The following C8orf58 variants were observed in gnomAD, a reference collection of about 807,000 sequenced individuals.
C8orf58 encodes the protein uncharacterized protein C8orf58.
In C8orf58, 31 loss-of-function variants were observed where a neutral mutation model predicts 36.8. The ratio of observed to expected loss-of-function variants is 0.84; its 90% CI spans 0.63 to 1.14. The LOEUF (loss-of-function observed/expected upper bound fraction) is 1.14, where lower values mean the gene tolerates loss of function less well. C8orf58 is among the 50% of genes most tolerant of loss of function. The pLI is 0.00. For missense variants in C8orf58, 538 were observed against 480.8 expected (o/e 1.12, Z -1.11); for synonymous variants, 230 against 200.2 (o/e 1.15, Z -1.26).
chr8:22,601,881 A>C, intron 3 of C8orf58, 29 bp downstream of exon 3: 1 of 1,579,968 alleles, frequency 6.3e-7, no homozygotes, highest in Non-Finnish European at 8.6e-7. Context: ...GGGGAGGGAG[A>C]GGACAGATGG....
intron 1 of C8orf58, 145 bp from the exon 2 acceptor site, chr8:22,600,737 C>T: frequency 1.5e-6 from 1 of 650,224 alleles, no homozygotes; most frequent in Non-Finnish European, 2.6e-6. Flanking sequence ...CAGCTGGGGC[C>T]ATATCCGGGC....
Position 22,603,303 on chromosome 8 carries a change from C to G in C8orf58, c.1095C>G (p.Gly365=), listed in dbSNP as rs1290104446. The G allele has an allele frequency of 6.2e-7, 1 of 1,609,392 alleles. No individual in the cohort carries two copies. Among genetic ancestry groups the G allele is most frequent in the Admixed American group, 1.7e-5 (1 of 59,998 alleles). Residue 365 remains glycine (G), a synonymous_variant, in exon 7 of 7, where the codon GGC becomes GGG. Coordinates refer to ENST00000289989, the MANE Select transcript of C8orf58 (RefSeq NM_001013842.3). ...AACGAGCAAAAAACCTTTCTGTAGGCTGAGACCTCTCGGTGCACCTGGTGA... is the reference window on the plus strand; with the variant it reads ...AACGAGCAAAAAACCTTTCTGTAGGGTGAGACCTCTCGGTGCACCTGGTGA... ...KKQRAKNLSV[G] is the part of the protein sequence containing the mutation.
Position 22,601,767 on chromosome 8 carries a change from A to G in C8orf58, c.572A>G (p.Tyr191Cys). ...WACLPGQGLR[Y>C]LEHLCLVLEQ... ...TGCCTCCCCGGGCAGGGTCTTCGCT[A>G]TCTGGAACACCTGTGCCTGGTGCTG... is the stretch of plus-strand genomic sequence containing the variant. The change falls in exon 3 of 7, where the codon TAT (tyrosine) becomes TGT (cysteine). Residue 191 changes from tyrosine (Y) to cysteine (C), a missense_variant. Coordinates refer to ENST00000289989, the MANE Select transcript of C8orf58 (RefSeq NM_001013842.3). The G allele has an allele frequency of 6.2e-7, 1 of 1,612,332 alleles. No individual in the cohort carries two copies. Among genetic ancestry groups the G allele is most frequent in the Non-Finnish European group, 8.5e-7 (1 of 1,179,780 alleles).
intron 6 of C8orf58, chr8:22,602,972 G>A (rs1158018081): frequency 3.4e-6 from 2 of 596,750 alleles, no homozygotes; most frequent in Non-Finnish European, 3.0e-6. Context: ...CGTGGGGAGA[G>A]CAAGGTGGAG....
At position 22,601,979 on chromosome 8, in the gene C8orf58, G is replaced by T. The variant is rs1159356901; in HGVS notation, c.665G>T (p.Gly222Val). The T allele has an allele frequency of 1.9e-6, 3 of 1,553,836 alleles. No individual in the cohort carries two copies. The highest frequency in any genetic ancestry group is 2.6e-6 in the Non-Finnish European group (3 of 1,146,254). Residue 222 changes from glycine (G) to valine (V), a missense_variant, in exon 4 of 7, where the codon GGC becomes GTC. Coordinates refer to ENST00000289989, the MANE Select transcript of C8orf58 (RefSeq NM_001013842.3). Reference protein sequence around the residue: ...LRIQRPPGDPGEEESTRAPLP... With the variant: ...LRIQRPPGDPVEEESTRAPLP... ...TGTCTCTCCTGTGCATAGGATCCCGGCGAGGAGGAGTCGACCCGAGCCCCT... is the reference window on the plus strand; with the variant it reads ...TGTCTCTCCTGTGCATAGGATCCCGTCGAGGAGGAGTCGACCCGAGCCCCT...
Position 22,603,436 on chromosome 8 carries a change from C to T in C8orf58, c.*130C>T, listed in dbSNP as rs766572215. 13 of 731,636 alleles carry T rather than the reference C, an allele frequency of 1.8e-5. No individual in the cohort carries two copies. The highest frequency in any genetic ancestry group is 1.2e-4 in the African/African-American group (7 of 57,666). 45.3% of individuals were successfully genotyped at this position (731,636 alleles called of 1,614,324 possible). ...TGACGCCTGCCCTCCTCTCTTGAGTCGAGGGCTGAATCTTTCTCCTCTAAG... is the reference window on the plus strand; with the variant it reads ...TGACGCCTGCCCTCCTCTCTTGAGTTGAGGGCTGAATCTTTCTCCTCTAAG... On this transcript the variant is annotated 3_prime_UTR_variant, in exon 7 of 7. Transcript: ENST00000289989.
rs776242561 is a variant in C8orf58 at position 22,602,355 on chromosome 8, G to A, written c.879+43G>A. 8 of 1,230,862 alleles carry A rather than the reference G, an allele frequency of 6.5e-6. No individual in the cohort carries two copies. In the African/African-American group the frequency reaches 1.2e-4, roughly 18 times the overall value. 76.2% of individuals were successfully genotyped at this position (1,230,862 alleles called of 1,614,324 possible). On this transcript the variant is annotated intron_variant, in intron 5 of 6. Coordinates refer to ENST00000289989, the MANE Select transcript of C8orf58 (RefSeq NM_001013842.3). ...GTGGGGCAGGTGGTGGGCTGGGGTG[G>A]GGGGAGGGGAGGTGGGGGATGCATG...
intron 4 of C8orf58, 53 bp from the exon 5 acceptor site, chr8:22,602,147 G>A (rs780256734): frequency 4.1e-5 from 63 of 1,555,436 alleles, no homozygotes; most frequent in Admixed American, 5.8e-5. Flanking sequence ...CCTCTGAGCC[G>A]AAGCTTGATG....
Position 22,602,608 on chromosome 8 carries a change from T to C in C8orf58, c.951T>C (p.Pro317=). 1 of 1,563,488 alleles carries C rather than the reference T, an allele frequency of 6.4e-7. No individual in the cohort carries two copies. The highest frequency in any genetic ancestry group is 8.7e-7 in the Non-Finnish European group (1 of 1,150,764). ...NRICRRSHHH[P]EPPAPPDGSD... ...TCTGCCGGAGAAGCCACCACCACCC[T>C]GAGCCCCCTGCCCCTCCTGATGGCT... Residue 317 remains proline, a synonymous_variant, in exon 6 of 7, where the codon CCT becomes CCC. Transcript: ENST00000289989.
At position 22,602,056 on chromosome 8, in the gene C8orf58, C is replaced by A; in HGVS notation, c.742C>A (p.Leu248Met). The change falls in exon 4 of 7, where the codon CTG becomes ATG. Residue 248 changes from leucine to methionine, a missense_variant. By Grantham distance (15) the Leu-to-Met change is conservative. Coordinates refer to ENST00000289989, the MANE Select transcript of C8orf58 (RefSeq NM_001013842.3). ...CAATCGGGGGCAGGGGCCATGGGAG[C>A]TGCTAAGCCAGACAGAGCACACAGG... ...PGNRGQGPWE[L>M]LSQTEHTGAK... 2 of 1,575,900 alleles carry A rather than the reference C, an allele frequency of 1.3e-6. No homozygotes were observed. Among genetic ancestry groups the A allele is most frequent in the Non-Finnish European group, 1.7e-6 (2 of 1,157,378 alleles).
Position 22,603,307 on chromosome 8 carries a change from GACCTCTCGGTGC to G in C8orf58, c.*6_*17del. The G allele has an allele frequency of 6.2e-7, 1 of 1,606,214 alleles. No individual in the cohort carries two copies. Among genetic ancestry groups the G allele is most frequent in the Non-Finnish European group, 8.5e-7 (1 of 1,173,022 alleles). ...AGCAAAAAACCTTTCTGTAGGCTGA[GACCTCTCGGTGC>G]ACCTGGTGACCCTGGGTGGAGGGGA... On this transcript the variant is annotated 3_prime_UTR_variant, in exon 7 of 7. Coordinates refer to ENST00000289989, the MANE Select transcript of C8orf58 (RefSeq NM_001013842.3).
intron 3 of C8orf58, 50 bp downstream of exon 3, chr8:22,601,902 A>T (rs1800872272): frequency 6.4e-7 from 1 of 1,560,270 alleles, no homozygotes; most frequent in African/African-American, 1.4e-5. Context: ...GACCCTGGGA[A>T]CCATGGCTGC....
chr8:22,601,946 T>C, intron 3 of C8orf58, 26 bp from the exon 4 acceptor site: 1 of 1,544,954 alleles, frequency 6.5e-7, no homozygotes, highest in Non-Finnish European at 8.8e-7. Context: ...AGCCAGGCCC[T>C]GATCACCTGT....
rs1371570869 is a variant in C8orf58 at position 22,601,807 on chromosome 8, G to A, written c.612G>A (p.Arg204=). The A allele has an allele frequency of 6.2e-7, 1 of 1,612,226 alleles. No homozygotes were observed. Among genetic ancestry groups the A allele is most frequent in the East Asian group, 2.2e-5 (1 of 44,884 alleles). The change falls in exon 3 of 7, where the codon AGG becomes AGA. Residue 204 remains arginine, a synonymous_variant. Coordinates refer to ENST00000289989, the MANE Select transcript of C8orf58 (RefSeq NM_001013842.3). The stretch of plus-strand genomic sequence containing the variant: ...GCCTGGTGCTGGAGCAGATGGCAAG[G>A]CTCCAGCAGCTCTACCTGCAGCTGC... ...HLCLVLEQMA[R]LQQLYLQLRI...
chr8:22,600,772 C>T (rs2117388724), intron 1 of C8orf58, 110 bp from the exon 2 acceptor site: 2 of 917,548 alleles, frequency 2.2e-6, no homozygotes, highest in South Asian at 1.7e-5. Flanking sequence ...CAGTGACCGC[C>T]CTTCCTCACT....
At chr8:22,601,389 G>C in intron 2 of C8orf58, 32 bp downstream of exon 2, 1 of 1,488,686 alleles carries the variant, frequency 6.7e-7, no homozygotes, top group Non-Finnish European at 9.1e-7. Context: ...GGGTTTAAGA[G>C]TGGGATGGAC....
rs1232166475 is a variant in C8orf58 at position 22,601,709 on chromosome 8, C to T, written c.517-3C>T. On this transcript the variant is annotated splice_polypyrimidine_tract_variant and splice_region_variant and intron_variant, in intron 2 of 6. Coordinates refer to ENST00000289989, the MANE Select transcript of C8orf58 (RefSeq NM_001013842.3). The stretch of plus-strand genomic sequence containing the variant: ...ATCTCCCCTATCTCACAATGTCCCA[C>T]AGGTGGGGGGCCTGGGGCCTGGAGC... The T allele has an allele frequency of 6.2e-7, 1 of 1,601,484 alleles. No homozygotes were observed. The highest frequency in any genetic ancestry group is 1.1e-5 in the South Asian group (1 of 89,928).
rs1418436756 is a variant in C8orf58, at chr8:22,599,681, G to C, written c.-40G>C. 4.3e-6 allele frequency: 5 copies of C among 1,153,490 alleles called. No individual in the cohort carries two copies. Among genetic ancestry groups the C allele is most frequent in the Admixed American group, 4.4e-5 (1 of 22,646 alleles). The allele number at this position is 1,153,490 out of a possible 1,614,324, so 71.5% of individuals were successfully genotyped here. On this transcript the variant is annotated 5_prime_UTR_variant, in exon 1 of 7. Coordinates refer to ENST00000289989, the MANE Select transcript of C8orf58 (RefSeq NM_001013842.3). ...CGCGGGGACTCGGGCCGGGATCCTC[G>C]GGCGGCTGCATTGGCCGGGGCCGGG... is the stretch of plus-strand genomic sequence containing the variant.
Position 22,601,765 on chromosome 8 carries a change from C to A in C8orf58, c.570C>A (p.Arg190=). ...AWACLPGQGL[R]YLEHLCLVLE... is the part of the protein sequence containing the mutation. ...CCTGCCTCCCCGGGCAGGGTCTTCG[C>A]TATCTGGAACACCTGTGCCTGGTGC... The change falls in exon 3 of 7, where the codon CGC becomes CGA. Residue 190 remains arginine (R), a synonymous_variant. Transcript: ENST00000289989. The A allele has an allele frequency of 6.2e-7, 1 of 1,612,412 alleles. No homozygotes were observed. The highest frequency in any genetic ancestry group is 1.1e-5 in the South Asian group (1 of 91,040).
Sources: gnomAD v4.1 joint callset for allele counts on GRCh38, gnomAD v4.1.1 for gene constraint, MANE v1.5 for transcripts, NCBI Gene and HGNC (gene_info 2026-07-23, HGNC 2026-07-21) for gene names.